The following VGLL4 variants were observed in gnomAD, a reference collection of about 807,000 sequenced individuals.
VGLL4 encodes the protein transcription cofactor vestigial-like protein 4.
A neutral mutation model predicts 21.0 loss-of-function variants in VGLL4; 7 were observed. The ratio of observed to expected loss-of-function variants is 0.33; its 90% CI spans 0.19 to 0.63. VGLL4 has a LOEUF of 0.63. Ranked by LOEUF, VGLL4 falls within the 20% of genes least tolerant of loss-of-function variation. The pLI is 0.78. For missense variants in VGLL4, 394 were observed against 425.7 expected (o/e 0.93, Z 0.66); for synonymous variants, 222 against 173.2 (o/e 1.28, Z -2.21).
At chr3:11,707,938 A>G (rs1661647380) in intron 1 of VGLL4, among the ~76,000 whole-genome samples, 1 of 152,208 alleles carries the variant, frequency 6.6e-6, no homozygotes, top group Non-Finnish European at 1.5e-5. Context: ...CCAATAAAAC[A>G]TATTGATAAT....
Position 11,696,228 on chromosome 3 carries a change from C to T in VGLL4, c.64+6743G>A, listed in dbSNP as rs76822075. Among the ~76,000 whole-genome samples, 798 of 152,310 alleles carry T rather than the reference C, an allele frequency of 5.2e-3. 3 individuals carry two copies. Among genetic ancestry groups the T allele is most frequent in the African/African-American group, 0.018 (747 of 41,560 alleles). On this transcript the variant is annotated intron_variant, in intron 2 of 5. Transcript: ENST00000273038. ...TCAGTATGTTGTTCTCTTTCCAGGG[C>T]ACCAGAGGACTTGGCACTCTGATCA...
In VGLL4 at chr3:11,649,895, A is replaced by ATTTGGTTTGGTTTGGTTTGGTTTGG. The variant is rs139823468; in HGVS notation, c.65-47898_65-47874dup. Among the ~76,000 whole-genome samples, 8 of 144,626 alleles carry ATTTGGTTTGGTTTGGTTTGGTTTGG rather than the reference A, an allele frequency of 5.5e-5. No homozygotes were observed. The South Asian group carries it at 1.4e-3, about 25-fold the overall frequency. The allele number at this position is 144,626 out of a possible 152,430, so 94.9% of individuals were successfully genotyped here. A position where few individuals can be genotyped will look rare whatever the true frequency, so the allele number is the denominator to read the frequency against. On this transcript the variant is annotated intron_variant, in intron 2 of 5. Coordinates refer to the VGLL4 transcript ENST00000273038. ...CTCCCCCACAGCACACAAGTGCTCTATTTGGTTTGGTTTGGTTTGGTTTGG... is the reference window on the plus strand; with the variant it reads ...CTCCCCCACAGCACACAAGTGCTCTATTTGGTTTGGTTTGGTTTGGTTTGGTTTGGTTTGGTTTGGTTTGGTTTGG...
chr3:11,625,952 C>A (rs925871985), intron 1 of VGLL4, among the ~76,000 whole-genome samples: 1 of 152,050 alleles, frequency 6.6e-6, no homozygotes, highest in Admixed American at 6.6e-5. Flanking sequence ...TGAAAATGTT[C>A]TAAACTTTGA....
intron 1 of VGLL4, among the ~76,000 whole-genome samples, chr3:11,628,569 C>T (rs1319939528): frequency 7.2e-5 from 11 of 152,216 alleles, no homozygotes; most frequent in Non-Finnish European, 4.4e-5. Flanking sequence ...GCCTGTAATC[C>T]CAGCACTTTG....
chr3:11,611,125 C>T (rs995489245), intron 1 of VGLL4, among the ~76,000 whole-genome samples: 5 of 80,244 alleles, frequency 6.2e-5, no homozygotes, highest in South Asian at 4.6e-4. Context: ...GGGAGGAAGG[C>T]GGAGAAGAGA....
intron 2 of VGLL4, among the ~76,000 whole-genome samples, chr3:11,683,510 T>C (rs1575528183): frequency 1.3e-5 from 2 of 152,200 alleles, no homozygotes; most frequent in African/African-American, 2.4e-5. Flanking sequence ...CAATTCACAA[T>C]TGCAAAGATA....
upstream of VGLL4, among the ~76,000 whole-genome samples, chr3:11,647,601 A>G (rs1025828456): frequency 6.6e-6 from 1 of 152,184 alleles, no homozygotes; most frequent in African/African-American, 2.4e-5. Context: ...ATGTTGTGTC[A>G]GCACTCAACA....
intron 1 of VGLL4, among the ~76,000 whole-genome samples, chr3:11,629,127 T>A (rs916677951): frequency 2.0e-5 from 3 of 152,156 alleles, no homozygotes; most frequent in African/African-American, 7.2e-5. Flanking sequence ...GAAATAAAAT[T>A]CAGAATATAA....
chr3:11,668,402 TA>T (rs1297156871), intron 2 of VGLL4, among the ~76,000 whole-genome samples: 1 of 152,132 alleles, frequency 6.6e-6, no homozygotes, highest in Non-Finnish European at 1.5e-5. Flanking sequence ...TCCTTGCTAC[TA>T]AAAGTGCAGC....
At chr3:11,645,775 C>T (rs2075781688), upstream of VGLL4, among the ~76,000 whole-genome samples, 1 of 151,798 alleles carries the variant, frequency 6.6e-6, no homozygotes, top group Non-Finnish European at 1.5e-5. Context: ...AGTTTGAGAA[C>T]AGTCTGGCCA....
chr3:11,558,161 C>T lies in VGLL4; in HGVS notation c.*395G>A, dbSNP rs551697256. Reference sequence around the variant, plus strand: ...CACGCCGTGGAAGCTGAGCCACACACACCCCGGTCTCAAGAAGCAAAGGAA... The same window carrying T: ...CACGCCGTGGAAGCTGAGCCACACATACCCCGGTCTCAAGAAGCAAAGGAA... On this transcript the variant is annotated 3_prime_UTR_variant, in exon 5 of 5. Transcript: ENST00000430365. 11 of 254,156 alleles carry T rather than the reference C, an allele frequency of 4.3e-5. No individual in the cohort carries two copies. The highest frequency in any genetic ancestry group is 2.4e-4 in the African/African-American group (11 of 45,872). The allele number at this position is 254,156 out of a possible 1,614,324, so 15.7% of individuals were successfully genotyped here. A position where few individuals can be genotyped will look rare whatever the true frequency, so the allele number is the denominator to read the frequency against.
In VGLL4 at chr3:11,630,009, T is replaced by C. The variant is rs185586895; in HGVS notation, c.82+13428A>G. ...TCAAAAAAGAGTCTTCTGTGCCACG[T>C]TGGTGTTTTTTCACATCCCTCTATC... On this transcript the variant is annotated intron_variant, in intron 1 of 4. Transcript: ENST00000430365. Among the ~76,000 whole-genome samples, 38 of 152,300 alleles carry C rather than the reference T, an allele frequency of 2.5e-4. No homozygotes were observed. The East Asian group carries it at 6.0e-3, about 24-fold the overall frequency.
At position 11,643,844 on chromosome 3, in the gene VGLL4, T is replaced by C; in HGVS notation, c.-326A>G. 9.5e-7 allele frequency: 1 copy of C among 1,057,546 alleles called. No individual in the cohort carries two copies. Among genetic ancestry groups the C allele is most frequent in the Non-Finnish European group, 1.1e-6 (1 of 875,736 alleles). 65.5% of individuals were successfully genotyped at this position (1,057,546 alleles called of 1,614,324 possible). On this transcript the variant is annotated 5_prime_UTR_variant, in exon 1 of 5. Transcript: ENST00000430365. ...GTGAAAAAGAGAAACGCGCAGCCCG[T>C]TTCCTAGGACAAAGCGGCGCCGGCC...
At chr3:11,621,857 A>G (rs2075272058) in intron 1 of VGLL4, among the ~76,000 whole-genome samples, 1 of 152,198 alleles carries the variant, frequency 6.6e-6, no homozygotes. Flanking sequence ...AACCATCCAT[A>G]GTAGGCAGAC....
At chr3:11,642,012 C>T (rs867752312) in intron 1 of VGLL4, among the ~76,000 whole-genome samples, 3 of 146,700 alleles carry the variant, frequency 2.0e-5, no homozygotes, top group South Asian at 4.3e-4. Flanking sequence ...TTGGGGGAAG[C>T]GGGGATGGTT....
rs776487590 is a variant in VGLL4, at chr3:11,601,911, C to G, written c.194G>C (p.Ser65Thr). Residue 65 changes from serine to threonine, a missense_variant, in exon 2 of 5, where the codon AGC (serine) becomes ACC (threonine). Transcript: ENST00000430365. ...TAGGTCCTCGTCACCTGGCTCCATG[C>G]TGAACTTCCTCTTGCTGGGGCTGAT... ...PPISPSKRKF[S>T]MEPGDEDLDC... The G allele has an allele frequency of 6.2e-7, 1 of 1,613,864 alleles. No individual in the cohort carries two copies. Among genetic ancestry groups the G allele is most frequent in the Admixed American group, 1.7e-5 (1 of 59,968 alleles).
chr3:11,698,382 G>A (rs141287501), intron 2 of VGLL4, among the ~76,000 whole-genome samples: 7 of 151,466 alleles, frequency 4.6e-5, no homozygotes, highest in East Asian at 1.9e-4. Flanking sequence ...GGTGACACAC[G>A]CCTGTAGTCC....
chr3:11,707,150 TAA>T (rs34457081), intron 1 of VGLL4, among the ~76,000 whole-genome samples: 8 of 139,756 alleles, frequency 5.7e-5, no homozygotes, highest in Admixed American at 2.1e-4. Flanking sequence ...ACCCCATTTC[TAA>T]AAAAAAAAAA....
rs374068248 is a variant in VGLL4, at chr3:11,601,824, G to C, written c.272+9C>G. On this transcript the variant is annotated intron_variant, in intron 2 of 4. Transcript: ENST00000430365. ...ACCCTTAAGCCAAAATAAGAACAGA[G>C]GAACTCACAGATGGGGGTTGAAGAT... 31 of 1,613,356 alleles carry C rather than the reference G, an allele frequency of 1.9e-5. No individual in the cohort carries two copies. The highest frequency in any genetic ancestry group is 2.6e-5 in the Non-Finnish European group (31 of 1,179,706).
Sources: allele counts gnomAD v4.1 joint callset (sites outside exome capture counted in the v4.1 genomes callset), GRCh38; gene constraint gnomAD v4.1.1; transcripts MANE v1.5; gene names NCBI Gene and HGNC (gene_info 2026-07-23, HGNC 2026-07-21).